The following RIMS4 variants were observed in gnomAD, a reference collection of about 807,000 sequenced individuals.
The protein encoded by RIMS4 is regulating synaptic membrane exocytosis 4, also known as regulating synaptic membrane exocytosis protein 4.
A neutral mutation model predicts 29.0 loss-of-function variants in RIMS4; 9 were observed. That is an observed-to-expected ratio of 0.31 (90% CI 0.19 to 0.54). RIMS4 has a LOEUF of 0.54. Ranked by LOEUF, RIMS4 falls within the 20% of genes least tolerant of loss-of-function variation. The probability of loss-of-function intolerance (pLI) is 0.94; values close to 1 mark genes in which losing one functional copy is unlikely to be tolerated. For missense variants in RIMS4, 193 were observed against 365.7 expected, an observed-to-expected ratio of 0.53 and a Z score of 3.85; for synonymous variants, 130 against 152.9, an observed-to-expected ratio of 0.85 and a Z score of 1.10.
intron 2 of RIMS4, among the ~76,000 whole-genome samples, chr20:44,764,649 T>C (rs2066106078): frequency 6.6e-6 from 1 of 152,128 alleles, no homozygotes; most frequent in Non-Finnish European, 1.5e-5. Context: ...AAACTGAGGG[T>C]GCCGTGGATG....
intron 2 of RIMS4, among the ~76,000 whole-genome samples, chr20:44,762,419 TC>T (rs2066089758): frequency 6.6e-6 from 1 of 152,098 alleles, no homozygotes; most frequent in African/African-American, 2.4e-5. Context: ...GTAAGGAGTG[TC>T]TGGGCTCCAA....
chr20:44,766,047 A>G (rs944400064), intron 2 of RIMS4, among the ~76,000 whole-genome samples: 1 of 152,198 alleles, frequency 6.6e-6, no homozygotes, highest in Non-Finnish European at 1.5e-5. Context: ...ACAGACACAC[A>G]TGTGACAAGA....
chr20:44,776,468 T>A (rs2066160666), intron 1 of RIMS4, among the ~76,000 whole-genome samples: 2 of 152,154 alleles, frequency 1.3e-5, no homozygotes, highest in African/African-American at 2.4e-5. Flanking sequence ...ACATCCTCAA[T>A]AACTTCCTCA....
chr20:44,777,671 G>T (rs957807255), intron 1 of RIMS4, among the ~76,000 whole-genome samples: 1 of 152,140 alleles, frequency 6.6e-6, no homozygotes, highest in African/African-American at 2.4e-5. Flanking sequence ...GGAGGGAGAA[G>T]GAGAGAACTC....
intron 2 of RIMS4, among the ~76,000 whole-genome samples, chr20:44,766,245 C>A (rs1364823391): frequency 6.6e-6 from 1 of 152,210 alleles, no homozygotes; most frequent in African/African-American, 2.4e-5. Context: ...CAACACAGCA[C>A]TCCAGGGAAC....
chr20:44,810,267 T>G lies in RIMS4; in HGVS notation c.5A>C (p.Glu2Ala). The G allele has an allele frequency of 8.1e-7, 1 of 1,235,292 alleles. No individual in the cohort carries two copies. The highest frequency in any genetic ancestry group is 1.0e-6 in the Non-Finnish European group (1 of 967,934). The allele number at this position is 1,235,292 out of a possible 1,614,324, so 76.5% of individuals were successfully genotyped here. M[E>A]RSQSRLSLSA... ...CAGACTGAGGCGGCTCTGCGAGCGC[T>G]CCATGCCCGCGCCGGCGCCGGGCGC... Residue 2 changes from glutamate to alanine, a missense_variant, in exon 1 of 6, where the codon GAG (glutamate) becomes GCG (alanine). By Grantham distance (107) the Glu-to-Ala change is moderately radical. Coordinates refer to ENST00000372851, the MANE Select transcript of RIMS4 (RefSeq NM_182970.4).
At chr20:44,774,568 G>C (rs542151377) in intron 1 of RIMS4, among the ~76,000 whole-genome samples, 2 of 152,316 alleles carry the variant, frequency 1.3e-5, no homozygotes, top group African/African-American at 2.4e-5. Context: ...ACTCAGACTG[G>C]CTTCCTTGCT....
At chr20:44,765,914 G>A (rs1437220412) in intron 2 of RIMS4, among the ~76,000 whole-genome samples, 4 of 152,212 alleles carry the variant, frequency 2.6e-5, no homozygotes, top group Admixed American at 1.3e-4. Flanking sequence ...CTGAAGGGGC[G>A]GGAAGGAGTG....
At chr20:44,783,419 T>C (rs971234199) in intron 1 of RIMS4, among the ~76,000 whole-genome samples, 1 of 152,178 alleles carries the variant, frequency 6.6e-6, no homozygotes, top group Non-Finnish European at 1.5e-5. Flanking sequence ...GGTCGGGAGT[T>C]TGAGATCACC....
chr20:44,794,575 T>A (rs937219869), intron 1 of RIMS4, among the ~76,000 whole-genome samples: 1 of 152,262 alleles, frequency 6.6e-6, no homozygotes, highest in Non-Finnish European at 1.5e-5. Flanking sequence ...TCTTATTCAC[T>A]GCTGGAAAGT....
chr20:44,799,066 G>C (rs796416375), intron 1 of RIMS4, among the ~76,000 whole-genome samples: 9 of 152,334 alleles, frequency 5.9e-5, no homozygotes, highest in African/African-American at 2.2e-4. Flanking sequence ...CCTTTGGGAG[G>C]CTGAGGTGGG....
Position 44,781,601 on chromosome 20 carries a change from T to C in RIMS4, c.98-10188A>G, listed in dbSNP as rs151222927. Among the ~76,000 whole-genome samples, 63 of 151,998 alleles carry C rather than the reference T, an allele frequency of 4.1e-4. 3 individuals are homozygous for C. In the East Asian group the frequency reaches 0.012, roughly 28 times the overall value. ...CAAAAAGTTCCAGATGCAGAGTAAA[T>C]GCATTTGGGGTTGGGGAGGTCCTAT... On this transcript the variant is annotated intron_variant, in intron 1 of 5. Transcript: ENST00000372851.
chr20:44,795,959 A>G (rs2066253052), intron 1 of RIMS4, among the ~76,000 whole-genome samples: 1 of 152,204 alleles, frequency 6.6e-6, no homozygotes, highest in Admixed American at 6.5e-5. Context: ...TGTCATGCAG[A>G]AGCAATTATA....
At chr20:44,783,413 G>A (rs1382167236) in intron 1 of RIMS4, among the ~76,000 whole-genome samples, 2 of 152,090 alleles carry the variant, frequency 1.3e-5, no homozygotes, top group African/African-American at 4.8e-5. Context: ...ACCTGAGGTC[G>A]GGAGTTTGAG....
chr20:44,766,400 G>C (rs2066113795), intron 2 of RIMS4, among the ~76,000 whole-genome samples: 1 of 152,168 alleles, frequency 6.6e-6, no homozygotes, highest in South Asian at 2.1e-4. Context: ...TGGATGCAAA[G>C]ACCTGGAGGT....
At chr20:44,767,933 G>A (rs999019663) in intron 2 of RIMS4, among the ~76,000 whole-genome samples, 4 of 152,190 alleles carry the variant, frequency 2.6e-5, no homozygotes, top group Non-Finnish European at 5.9e-5. Context: ...GATTCAGTGG[G>A]TCTGGGGTAG....
At chr20:44,801,891 C>T (rs1309594295) in intron 1 of RIMS4, among the ~76,000 whole-genome samples, 2 of 152,190 alleles carry the variant, frequency 1.3e-5, no homozygotes, top group Non-Finnish European at 2.9e-5. Flanking sequence ...AGATATCCCA[C>T]GTTGGCAAGA....
At chr20:44,757,129 G>A in intron 4 of RIMS4, 92 bp from the exon 5 acceptor site, 1 of 1,396,402 alleles carries the variant, frequency 7.2e-7, no homozygotes, top group Non-Finnish European at 9.9e-7. Flanking sequence ...ACCCTCTGCT[G>A]GAGATAGGTG....
intron 1 of RIMS4, among the ~76,000 whole-genome samples, chr20:44,780,753 C>T (rs142198318): frequency 1.3e-5 from 2 of 152,226 alleles, no homozygotes; most frequent in East Asian, 1.9e-4. Context: ...TTGCCCTTTA[C>T]GCTGCTCTAC....
Sources: allele counts gnomAD v4.1 joint callset (sites outside exome capture counted in the v4.1 genomes callset), GRCh38; gene constraint gnomAD v4.1.1; transcripts MANE v1.5; gene names NCBI Gene and HGNC (gene_info 2026-07-23, HGNC 2026-07-21).